Variants in KCNQ5 observed in about 807,000 individuals in gnomAD.
The protein encoded by KCNQ5 is potassium voltage-gated channel subfamily Q member 5.
KCNQ5 carries 30 observed loss-of-function variants against 98.2 expected under a neutral mutation model. That is an observed-to-expected ratio of 0.31 (90% CI 0.23 to 0.41). The LOEUF (loss-of-function observed/expected upper bound fraction) is 0.41. Ranked by LOEUF, KCNQ5 falls within the 10% of genes least tolerant of loss-of-function variation. KCNQ5 has a pLI of 1.00. For synonymous variants in KCNQ5, 458 were observed against 449.4 expected (o/e 1.02, Z -0.24); for missense variants, 835 against 1,182.5 (o/e 0.71, Z 4.31).
chr6:72,873,161 T>C (rs1201293886), intron 1 of KCNQ5, among the ~76,000 whole-genome samples: 2 of 152,178 alleles, frequency 1.3e-5, no homozygotes, highest in Admixed American at 1.3e-4. Context: ...AAATACTTTA[T>C]ATTCAGATAA....
At chr6:72,729,446 C>A (rs953288476) in intron 1 of KCNQ5, among the ~76,000 whole-genome samples, 2 of 152,142 alleles carry the variant, frequency 1.3e-5, no homozygotes, top group Admixed American at 1.3e-4. Flanking sequence ...TGCCACCACA[C>A]CTGGCTAATT....
chr6:72,752,107 A>G (rs1178902560), intron 1 of KCNQ5, among the ~76,000 whole-genome samples: 1 of 152,094 alleles, frequency 6.6e-6, no homozygotes, highest in African/African-American at 2.4e-5. Context: ...TGAAAAGTCA[A>G]ACATTTGTTG....
intron 1 of KCNQ5, among the ~76,000 whole-genome samples, chr6:72,856,916 G>A (rs1777558236): frequency 6.6e-6 from 1 of 152,186 alleles, no homozygotes; most frequent in African/African-American, 2.4e-5. Context: ...TGGAGATGCA[G>A]AATGCTGGGG....
chr6:72,960,130 C>A (rs1048426203), intron 1 of KCNQ5, among the ~76,000 whole-genome samples: 2 of 152,122 alleles, frequency 1.3e-5, no homozygotes, highest in Non-Finnish European at 2.9e-5. Flanking sequence ...CAGAGCCCCT[C>A]AAATAATGGG....
intron 3 of KCNQ5, among the ~76,000 whole-genome samples, chr6:73,046,698 A>G (rs1331775587): frequency 2.0e-5 from 3 of 148,486 alleles, no homozygotes; most frequent in Non-Finnish European, 4.4e-5. Context: ...CTGGAGTCCA[A>G]ATGGCATAGT....
At chr6:73,132,858 A>T (rs1297060214) in intron 9 of KCNQ5, among the ~76,000 whole-genome samples, 1 of 152,222 alleles carries the variant, frequency 6.6e-6, no homozygotes, top group Non-Finnish European at 1.5e-5. Context: ...AAGAAATCTA[A>T]TGTTAAGTGT....
intron 1 of KCNQ5, among the ~76,000 whole-genome samples, chr6:72,818,412 T>C (rs1023293787): frequency 1.3e-5 from 2 of 152,088 alleles, no homozygotes; most frequent in African/African-American, 4.8e-5. Context: ...ATAAGCATAC[T>C]GCAAGAAGAA....
intron 3 of KCNQ5, among the ~76,000 whole-genome samples, chr6:73,062,436 A>G (rs755331686): frequency 3.3e-5 from 5 of 152,186 alleles, no homozygotes; most frequent in Admixed American, 1.3e-4. Flanking sequence ...TCTGGCCACA[A>G]TGAATGTGTA....
At chr6:72,720,670 A>G (rs575388692) in intron 1 of KCNQ5, among the ~76,000 whole-genome samples, 1 of 152,328 alleles carries the variant, frequency 6.6e-6, no homozygotes, top group African/African-American at 2.4e-5. Flanking sequence ...CATAATTACT[A>G]TATTCATAAA....
chr6:72,833,179 G>A (rs1776357481), intron 1 of KCNQ5, among the ~76,000 whole-genome samples: 1 of 152,150 alleles, frequency 6.6e-6, no homozygotes, highest in Non-Finnish European at 1.5e-5. Context: ...TAACTTCTCT[G>A]TGTGGCATTT....
At chr6:73,180,140 A>G (rs180706819) in intron 11 of KCNQ5, among the ~76,000 whole-genome samples, 23 of 152,348 alleles carry the variant, frequency 1.5e-4, no homozygotes, top group African/African-American at 5.5e-4. Context: ...CAGAGCTCAC[A>G]GTCGCAGCAA....
intron 11 of KCNQ5, among the ~76,000 whole-genome samples, chr6:73,170,576 A>AAAAGAAAAG (rs60196338): frequency 5.3e-5 from 8 of 150,942 alleles, no homozygotes; most frequent in East Asian, 1.9e-4. Flanking sequence ...CAAAAAAAAA[A>AAAAGAAAAG]AAAAGAAAAG....
intron 3 of KCNQ5, among the ~76,000 whole-genome samples, chr6:73,062,104 A>C (rs1772807475): frequency 1.3e-5 from 2 of 152,118 alleles, no homozygotes; most frequent in Admixed American, 1.3e-4. Flanking sequence ...TATAATAAGT[A>C]ATTTCAGGAA....
At chr6:73,151,701 T>C (rs986196422) in intron 10 of KCNQ5, among the ~76,000 whole-genome samples, 2 of 152,224 alleles carry the variant, frequency 1.3e-5, no homozygotes, top group Non-Finnish European at 2.9e-5. Flanking sequence ...GAAACCTCCA[T>C]TCTCCTTTTA....
chr6:73,038,756 G>A (rs1054366954), intron 2 of KCNQ5, among the ~76,000 whole-genome samples: 1 of 151,834 alleles, frequency 6.6e-6, no homozygotes, highest in Non-Finnish European at 1.5e-5. Flanking sequence ...ATTTTGCTGA[G>A]GATTTTTTGT....
chr6:73,061,254 G>T (rs1392784701), intron 3 of KCNQ5, among the ~76,000 whole-genome samples: 1 of 152,114 alleles, frequency 6.6e-6, no homozygotes, highest in Admixed American at 6.6e-5. Context: ...TTTACAAAAA[G>T]AAGAGAATAA....
intron 1 of KCNQ5, among the ~76,000 whole-genome samples, chr6:72,963,259 T>C (rs1298026189): frequency 1.3e-5 from 2 of 152,136 alleles, no homozygotes; most frequent in Admixed American, 6.5e-5. Context: ...CATTATCCAA[T>C]GGAGATGGAA....
Position 72,622,393 on chromosome 6 carries a change from C to G in KCNQ5, c.204C>G (p.Leu68=), listed in dbSNP as rs34821312. The G allele has an allele frequency of 5.7e-5, 84 of 1,484,268 alleles. No homozygotes were observed. The African/African-American group carries it at 1.0e-3, about 18-fold the overall frequency. 91.9% of individuals were successfully genotyped at this position (1,484,268 alleles called of 1,614,324 possible). ...LLLLGTRAAT[L]GGGGGGLRES... ...TGCTGGGCACCCGCGCGGCCACGCT[C>G]GGTGGCGGCGGCGGTGGCCTGAGGG... Residue 68 remains leucine (L), a synonymous_variant, in exon 1 of 14, where the codon CTC becomes CTG. Transcript: ENST00000370398. This position sits in a 1 kb window ranked among gnomAD's most constrained non-coding sequence, Gnocchi z 6.0.
intron 2 of KCNQ5, among the ~76,000 whole-genome samples, chr6:73,041,063 T>A (rs76701370): frequency 0.017 from 2,610 of 152,338 alleles, 71 homozygotes; most frequent in African/African-American, 0.058. Flanking sequence ...AGTGAATTAT[T>A]TTTTAAAGGA....
Sources: allele counts gnomAD v4.1 joint callset (sites outside exome capture counted in the v4.1 genomes callset), GRCh38; gene constraint gnomAD v4.1.1; non-coding constraint Gnocchi (gnomAD v3.1); transcripts MANE v1.5; gene names NCBI Gene and HGNC (gene_info 2026-07-23, HGNC 2026-07-21).